Variants in CFAP298 observed in about 807,000 individuals in gnomAD.
CFAP298 encodes cilia and flagella associated protein 298.
Under a neutral mutation model 41.0 loss-of-function variants are expected in CFAP298, and 38 were observed. The ratio of observed to expected loss-of-function variants is 0.93; its 90% CI spans 0.72 to 1.22. CFAP298 has a LOEUF of 1.22. Ranked by LOEUF, CFAP298 falls within the 50% of genes most tolerant of loss-of-function variation. The probability of loss-of-function intolerance (pLI) is 0.00; values close to 1 mark genes in which losing one functional copy is unlikely to be tolerated. For missense variants in CFAP298, 348 were observed against 360.3 expected, an observed-to-expected ratio of 0.97 and a Z score of 0.28; for synonymous variants, 137 against 135.3, an observed-to-expected ratio of 1.01 and a Z score of -0.09.
rs183782256 is a variant in CFAP298 at position 32,604,888 on chromosome 21, C to T, written c.376-605G>A. Among the ~76,000 whole-genome samples, 33 of 152,288 alleles carry T rather than the reference C, an allele frequency of 2.2e-4. No individual in the cohort carries two copies. The East Asian group carries it at 5.0e-3, about 23-fold the overall frequency. On this transcript the variant is annotated intron_variant, in intron 3 of 6. Transcript: ENST00000290155. ...ATCTTGTAGCTGATATAGAACAGAC[C>T]TAGTTGGCCAGATGTGGTGGCTCAC...
intron 3 of CFAP298, 46 bp from the exon 4 acceptor site, chr21:32,604,329 C>T: frequency 6.2e-7 from 1 of 1,606,988 alleles, no homozygotes; most frequent in South Asian, 1.1e-5. Context: ...CTAATCACTT[C>T]CATAAATTCG....
At chr21:32,601,998 G>C (rs766003590) in intron 6 of CFAP298, 25 bp from the exon 7 acceptor site, 2 of 1,403,584 alleles carry the variant, frequency 1.4e-6, no homozygotes, top group South Asian at 2.3e-5. Flanking sequence ...GTTTTATTCA[G>C]GCAGGCATTT....
chr21:32,602,038 G>C, intron 6 of CFAP298, 65 bp from the exon 7 acceptor site: 1 of 1,075,504 alleles, frequency 9.3e-7, no homozygotes, highest in Middle Eastern at 2.0e-4. Context: ...TAAAGAGACT[G>C]AAGAAAGAGT....
rs938176102 is a variant in CFAP298, at chr21:32,600,981, T to A, written c.*882A>T. Among the ~76,000 whole-genome samples the A allele has an allele frequency of 5.3e-5, 8 of 152,140 alleles. No homozygotes were observed. ...GAGAGGCACCAACCAGGAGGCAAAC[T>A]TCACCTTCAAGGCCAGGCAACGCCT... is the stretch of plus-strand genomic sequence containing the variant. On this transcript the variant is annotated 3_prime_UTR_variant, in exon 7 of 7. Coordinates refer to ENST00000290155, the MANE Select transcript of CFAP298 (RefSeq NM_021254.4).
Position 32,604,286 on chromosome 21 carries a change from G to A in CFAP298, c.376-3C>T, listed in dbSNP as rs756873414. The A allele has an allele frequency of 1.8e-5, 29 of 1,613,962 alleles. No homozygotes were observed. Among genetic ancestry groups the A allele is most frequent in the Non-Finnish European group, 2.5e-5 (29 of 1,179,988 alleles). Reference sequence around the variant, plus strand: ...CAGACACCGGCTTCCACTTGTTTCTGCAAGCAGAAAGCCATCGTTATCTAC... The same window carrying A: ...CAGACACCGGCTTCCACTTGTTTCTACAAGCAGAAAGCCATCGTTATCTAC... On this transcript the variant is annotated splice_polypyrimidine_tract_variant and splice_region_variant and intron_variant, in intron 3 of 6. Transcript: ENST00000290155.
intron 2 of CFAP298, among the ~76,000 whole-genome samples, chr21:32,608,968 C>T (rs1229507905): frequency 1.3e-5 from 2 of 152,178 alleles, no homozygotes; most frequent in African/African-American, 4.8e-5. Flanking sequence ...TTAAATGGCG[C>T]TTTTAATGCA....
Position 32,601,288 on chromosome 21 carries a change from CTTTTTTTTTT to C in CFAP298, c.*565_*574del, listed in dbSNP as rs1158009254. On this transcript the variant is annotated 3_prime_UTR_variant, in exon 7 of 7. Coordinates refer to ENST00000290155, the MANE Select transcript of CFAP298 (RefSeq NM_021254.4). ...CAATCAGGAAGAAAAAAAAGTGTAG[CTTTTTTTTTT>C]TTTTTTTTTTTTTTTGAGACAAGAG... 1.1e-5 allele frequency among the ~76,000 whole-genome samples: 1 copy of C among 92,284 alleles called. No homozygotes were observed. The highest frequency in any genetic ancestry group is 4.5e-5 in the African/African-American group (1 of 22,026). The allele number at this position is 92,284 out of a possible 152,430, so 60.5% of individuals were successfully genotyped here. A position where few individuals can be genotyped will look rare whatever the true frequency, so the allele number is the denominator to read the frequency against.
rs2146544150 is a variant in CFAP298 at position 32,599,927 on chromosome 21, A to C, written c.*1936T>G. The stretch of plus-strand genomic sequence containing the variant: ...TGCGTGAGTGACTTTTTGGTTAGTA[A>C]GTTCTGCTGATTACATGAAGCAATG... On this transcript the variant is annotated 3_prime_UTR_variant, in exon 7 of 7. Transcript: ENST00000290155. Among the ~76,000 whole-genome samples, 1 of 152,286 alleles carries C rather than the reference A, an allele frequency of 6.6e-6. No homozygotes were observed. The highest frequency in any genetic ancestry group is 2.4e-5 in the African/African-American group (1 of 41,562).
rs771329128 is a variant in CFAP298, at chr21:32,612,195, G to C, written c.49C>G (p.Gln17Glu). 9.3e-6 allele frequency: 15 copies of C among 1,606,180 alleles called. 1 individual carries two copies. In the South Asian group the frequency reaches 1.7e-4, roughly 18 times the overall value. The change falls in exon 1 of 7, where the codon CAG becomes GAG. Residue 17 changes from glutamine (Q) to glutamate (E), a missense_variant. Physicochemically the swap from Gln to Glu is conservative, Grantham distance 29 (BLOSUM62 2). Transcript: ENST00000290155. ...TCCAGCTCGGTACTCCCAGGCGCCT[G>C]CAGCAGGAACTGGCTCTCGTCGCCC... ...KRGDESQFLL[Q>E]APGSTELEEL...
intron 1 of CFAP298, among the ~76,000 whole-genome samples, chr21:32,611,202 G>T (rs1019383538): frequency 6.6e-6 from 1 of 151,128 alleles, no homozygotes; most frequent in South Asian, 2.1e-4. Flanking sequence ...TACTTGGGAG[G>T]CTGAGGCAGG....
chr21:32,606,508 G>A (rs4816438), intron 3 of CFAP298, among the ~76,000 whole-genome samples: 1 of 152,124 alleles, frequency 6.6e-6, no homozygotes, highest in Admixed American at 6.5e-5. Flanking sequence ...GCCATGGCCT[G>A]AGACGTGCTC....
Position 32,600,376 on chromosome 21 carries a change from C to G in CFAP298, c.*1487G>C, listed in dbSNP as rs1420954339. On this transcript the variant is annotated 3_prime_UTR_variant, in exon 7 of 7. Transcript: ENST00000290155. ...CCCCCTGGGCAAGGCCGCCTGGCAGCAGGCAGGAACCAAACCCCTGCCACC... is the reference window on the plus strand; with the variant it reads ...CCCCCTGGGCAAGGCCGCCTGGCAGGAGGCAGGAACCAAACCCCTGCCACC... Among the ~76,000 whole-genome samples, 2 of 152,250 alleles carry G rather than the reference C, an allele frequency of 1.3e-5. No individual in the cohort carries two copies. The highest frequency in any genetic ancestry group is 4.8e-5 in the African/African-American group (2 of 41,468).
Position 32,604,121 on chromosome 21 carries a change from G to A in CFAP298, c.534+4C>T, listed in dbSNP as rs377230341. 7.6e-5 allele frequency: 122 copies of A among 1,613,022 alleles called. No homozygotes were observed. The African/African-American group carries it at 1.4e-3, about 19-fold the overall frequency. ...TCCAGAGTACCCACTCACAAACTAC[G>A]TACCTGTGTTCCCGACAAGTCTTCC... On this transcript the variant is annotated splice_donor_region_variant and intron_variant, in intron 4 of 6. Transcript: ENST00000290155.
At chr21:32,606,578 G>A (rs942295959) in intron 3 of CFAP298, among the ~76,000 whole-genome samples, 1 of 152,234 alleles carries the variant, frequency 6.6e-6, no homozygotes. Flanking sequence ...CTCCTGTAGA[G>A]CTTCATAAAG....
chr21:32,607,481 T>C (rs2038890859), intron 3 of CFAP298, among the ~76,000 whole-genome samples, 168 bp downstream of exon 3: 1 of 151,522 alleles, frequency 6.6e-6, no homozygotes, highest in South Asian at 2.1e-4. Context: ...TAATCCCAGC[T>C]ACTCGGGAGG....
chr21:32,606,152 C>G (rs925980149), intron 3 of CFAP298, among the ~76,000 whole-genome samples: 1 of 152,106 alleles, frequency 6.6e-6, no homozygotes, highest in Non-Finnish European at 1.5e-5. Context: ...AGGGACAGAA[C>G]AGAGAGGGAG....
chr21:32,609,465 C>CTTTTTTTCTCTACA (rs2038940521), intron 2 of CFAP298, among the ~76,000 whole-genome samples: 1 of 152,108 alleles, frequency 6.6e-6, no homozygotes, highest in African/African-American at 2.4e-5. Flanking sequence ...AGAGAAATGA[C>CTTTTTTTCTCTACA]GAGGTCAATT....
chr21:32,611,246 G>A (rs1412125055), intron 1 of CFAP298, among the ~76,000 whole-genome samples: 1 of 149,626 alleles, frequency 6.7e-6, no homozygotes, highest in Non-Finnish European at 1.5e-5. Context: ...GAAGGTTGCA[G>A]TGAGCAGAGA....
chr21:32,606,404 A>C (rs1165441240), intron 3 of CFAP298, among the ~76,000 whole-genome samples: 1 of 152,194 alleles, frequency 6.6e-6, no homozygotes, highest in Non-Finnish European at 1.5e-5. Flanking sequence ...AGAAGTACAC[A>C]GGCAAAGGGG....
Sources: gnomAD v4.1 joint callset for allele counts (sites outside exome capture counted in the v4.1 genomes callset) on GRCh38, gnomAD v4.1.1 for gene constraint, MANE v1.5 for transcripts, NCBI Gene and HGNC (gene_info 2026-07-23, HGNC 2026-07-21) for gene names.